Variants in CAV3 observed in about 807,000 individuals in gnomAD.
CAV3 encodes caveolin-3.
Under a neutral mutation model 13.4 loss-of-function variants are expected in CAV3, and 10 were observed. The observed-to-expected ratio is 0.75, with a 90% CI of 0.46 to 1.27. CAV3 has a LOEUF of 1.27. Among genes scored for constraint, CAV3 ranks in the 50% most tolerant of loss-of-function variants. The pLI, the probability that CAV3 is intolerant of heterozygous loss-of-function variation, is 0.00. For synonymous variants in CAV3, 90 were observed against 79.0 expected (o/e 1.14, Z -0.74); for missense variants, 162 against 194.0 (o/e 0.83, Z 0.98).
intron 1 of CAV3, among the ~76,000 whole-genome samples, chr3:8,740,487 G>A (rs1276743418): frequency 6.6e-6 from 1 of 152,192 alleles, no homozygotes; most frequent in Admixed American, 6.5e-5. Context: ...GAGCGGATGG[G>A]AAGGGACAGG....
At chr3:8,739,257 C>T (rs940064883) in intron 1 of CAV3, among the ~76,000 whole-genome samples, 1 of 152,074 alleles carries the variant, frequency 6.6e-6, no homozygotes, top group Non-Finnish European at 1.5e-5. Flanking sequence ...TTGGCCTTGC[C>T]CCCAGAAGTT....
chr3:8,739,363 A>G (rs1183651692), intron 1 of CAV3, among the ~76,000 whole-genome samples: 5 of 152,082 alleles, frequency 3.3e-5, no homozygotes, highest in Non-Finnish European at 5.9e-5. Context: ...CTGTAATCCC[A>G]GCATTTTAGG....
Position 8,733,802 on chromosome 3 carries a change from C to T in CAV3, c.-75C>T. 4 of 874,872 alleles carry T rather than the reference C, an allele frequency of 4.6e-6. No individual in the cohort carries two copies. Among genetic ancestry groups the T allele is most frequent in the Non-Finnish European group, 7.7e-6 (4 of 520,820 alleles). The allele number at this position is 874,872 out of a possible 1,614,324, so 54.2% of individuals were successfully genotyped here. ...AAGTCTGGGGACACTGAATTGGTCT[C>T]TCTGCCCCAAGTATTTTCAGCCCCA... On this transcript the variant is annotated 5_prime_UTR_variant, in exon 1 of 2. Transcript: ENST00000343849.
intron 1 of CAV3, among the ~76,000 whole-genome samples, chr3:8,735,862 G>T (rs1707735288): frequency 6.6e-6 from 1 of 152,160 alleles, no homozygotes; most frequent in Admixed American, 6.5e-5. Context: ...CCTCCAGAAA[G>T]CCTTCCCTGA....
intron 1 of CAV3, among the ~76,000 whole-genome samples, chr3:8,742,031 A>G (rs73132818): frequency 0.037 from 5,643 of 152,240 alleles, 350 homozygotes; most frequent in African/African-American, 0.13. Flanking sequence ...CTTTCAGCCC[A>G]CCACCCTCCA....
chr3:8,743,125 C>A (rs1034122145), intron 1 of CAV3, among the ~76,000 whole-genome samples: 4 of 152,118 alleles, frequency 2.6e-5, no homozygotes, highest in Non-Finnish European at 5.9e-5. Flanking sequence ...GGGAGGGCAC[C>A]AAGCCATGGT....
chr3:8,734,593 G>T (rs1216804091), intron 1 of CAV3, among the ~76,000 whole-genome samples: 2 of 152,212 alleles, frequency 1.3e-5, no homozygotes, highest in Non-Finnish European at 2.9e-5. Context: ...GCTCGGGGTT[G>T]TCTAGCCCTC....
rs1708168588 is a variant in CAV3 at position 8,746,587 on chromosome 3, G to T, written c.*720G>T. 6.6e-6 allele frequency: 1 copy of T among 152,102 alleles called. No individual in the cohort carries two copies. Among genetic ancestry groups the T allele is most frequent in the African/African-American group, 2.4e-5 (1 of 41,404 alleles). 9.4% of individuals were successfully genotyped at this position (152,102 alleles called of 1,614,324 possible). A position where few individuals can be genotyped will look rare whatever the true frequency, so the allele number is the denominator to read the frequency against. ...CCCTTCCAGGGTACCACTGAGGGAA[G>T]GGCCTGGGTTCAAGCCTCCCGGAAC... On this transcript the variant is annotated 3_prime_UTR_variant, in exon 2 of 2. Coordinates refer to ENST00000343849, the MANE Select transcript of CAV3 (RefSeq NM_033337.3).
rs1215805338 is a variant in CAV3, at chr3:8,746,253, C to T, written c.*386C>T. The T allele has an allele frequency of 5.3e-6, 1 of 187,308 alleles. No individual in the cohort carries two copies. Among genetic ancestry groups the T allele is most frequent in the Non-Finnish European group, 1.1e-5 (1 of 88,620 alleles). The allele number at this position is 187,308 out of a possible 1,614,324, so 11.6% of individuals were successfully genotyped here. On this transcript the variant is annotated 3_prime_UTR_variant, in exon 2 of 2. Coordinates refer to ENST00000343849, the MANE Select transcript of CAV3 (RefSeq NM_033337.3). Reference sequence around the variant, plus strand: ...GTGACCACTGGCGTTAGGAAGGTGGCTCCAGTAAAGGGTTTTGGCTGCATT... The same window carrying T: ...GTGACCACTGGCGTTAGGAAGGTGGTTCCAGTAAAGGGTTTTGGCTGCATT...
At chr3:8,734,056 A>G in intron 1 of CAV3, 66 bp downstream of exon 1, 1 of 854,796 alleles carries the variant, frequency 1.2e-6, no homozygotes, top group South Asian at 1.4e-5. Flanking sequence ...GGCGCTTGGC[A>G]GGGGAGGGTA....
chr3:8,737,672 A>G (rs961803267), intron 1 of CAV3, among the ~76,000 whole-genome samples: 15 of 152,158 alleles, frequency 9.9e-5, no homozygotes, highest in Non-Finnish European at 1.9e-4. Context: ...ACCAACACTG[A>G]TTCCACAAAT....
intron 1 of CAV3, among the ~76,000 whole-genome samples, chr3:8,744,427 C>T (rs1410510578): frequency 3.3e-5 from 5 of 151,220 alleles, no homozygotes; most frequent in African/African-American, 7.3e-5. Context: ...TACAGACACC[C>T]GCTGCCATAC....
Position 8,744,445 on chromosome 3 carries a change from ATTTTTTTT to A in CAV3, c.115-1064_115-1057del, listed in dbSNP as rs141816229. On this transcript the variant is annotated intron_variant, in intron 1 of 1. Transcript: ENST00000343849. ...AGACACCCGCTGCCATACCCGGCTA[ATTTTTTTT>A]TTTTTTTTTTTTTTTTGTATTTTTA... is the stretch of plus-strand genomic sequence containing the variant. Among the ~76,000 whole-genome samples, 88 of 111,380 alleles carry A rather than the reference ATTTTTTTT, an allele frequency of 7.9e-4. 1 individual carries two copies. The highest frequency in any genetic ancestry group is 3.2e-3 in the African/African-American group (82 of 25,738). 73.1% of individuals were successfully genotyped at this position (111,380 alleles called of 152,430 possible). A position where few individuals can be genotyped will look rare whatever the true frequency, so the allele number is the denominator to read the frequency against.
chr3:8,744,488 G>A (rs1158482581), intron 1 of CAV3, among the ~76,000 whole-genome samples: 1 of 141,806 alleles, frequency 7.1e-6, no homozygotes, highest in East Asian at 2.0e-4. Context: ...AGTAGAGACA[G>A]GGTTTCACTG....
At chr3:8,742,538 C>A in intron 1 of CAV3, 1 of 454,528 alleles carries the variant, frequency 2.2e-6, no homozygotes, top group Non-Finnish European at 4.4e-6. Flanking sequence ...ACTAAGTAGG[C>A]TGGAGAATAA....
intron 1 of CAV3, among the ~76,000 whole-genome samples, chr3:8,741,776 G>T (rs1014685009): frequency 5.9e-5 from 9 of 152,030 alleles, no homozygotes; most frequent in Non-Finnish European, 1.2e-4. Context: ...GGTGACTGTT[G>T]TCCTCCCCCG....
chr3:8,742,288 C>T (rs566001619), intron 1 of CAV3, among the ~76,000 whole-genome samples: 90 of 151,672 alleles, frequency 5.9e-4, no homozygotes, highest in Admixed American at 1.8e-3. Flanking sequence ...AGAGCACTTG[C>T]CCCACACACA....
intron 1 of CAV3, among the ~76,000 whole-genome samples, chr3:8,741,110 G>C (rs1199765011): frequency 6.6e-6 from 1 of 151,684 alleles, no homozygotes; most frequent in East Asian, 1.9e-4. Context: ...TACAGTTTTT[G>C]CAGCTATCAC....
At position 8,746,117 on chromosome 3, in the gene CAV3, C is replaced by T. The variant is rs2124989126; in HGVS notation, c.*250C>T. The T allele has an allele frequency of 2.1e-6, 1 of 487,228 alleles. No individual in the cohort carries two copies. The highest frequency in any genetic ancestry group is 3.7e-6 in the Non-Finnish European group (1 of 269,918). 30.2% of individuals were successfully genotyped at this position (487,228 alleles called of 1,614,324 possible). ...CTGGGCGTGGGGGAAGATCATTTGC[C>T]AAGAGGCAGCTACTGCAAGTCTTTG... On this transcript the variant is annotated 3_prime_UTR_variant, in exon 2 of 2. Coordinates refer to ENST00000343849, the MANE Select transcript of CAV3 (RefSeq NM_033337.3).
Sources: allele counts gnomAD v4.1 joint callset (sites outside exome capture counted in the v4.1 genomes callset), GRCh38; gene constraint gnomAD v4.1.1; transcripts MANE v1.5; gene names NCBI Gene and HGNC (gene_info 2026-07-23, HGNC 2026-07-21).